TIPIN: variants seen among roughly 807,000 people sequenced by gnomAD.
TIPIN encodes TIMELESS-interacting protein.
TIPIN carries 29 observed loss-of-function variants against 35.6 expected under a neutral mutation model. That is an observed-to-expected ratio of 0.82 (90% CI 0.61 to 1.11). TIPIN has a LOEUF of 1.11. Ranked by LOEUF, TIPIN falls within the 50% of genes most tolerant of loss-of-function variation. The probability of loss-of-function intolerance (pLI) is 0.00; values close to 1 mark genes in which losing one functional copy is unlikely to be tolerated. For missense variants in TIPIN, 296 were observed against 345.4 expected (o/e 0.86, Z 1.13); for synonymous variants, 102 against 121.5 (o/e 0.84, Z 1.06).
At chr15:66,376,194 A>G (rs999240813) in intron 1 of TIPIN, among the ~76,000 whole-genome samples, 3 of 152,140 alleles carry the variant, frequency 2.0e-5, no homozygotes, top group Non-Finnish European at 2.9e-5. Context: ...GTTTCACATC[A>G]TACATTTTGA....
intron 1 of TIPIN, chr15:66,383,116 T>A (rs954163263): frequency 2.2e-6 from 1 of 452,190 alleles, no homozygotes; most frequent in Admixed American, 6.4e-5. Context: ...TTAAAAAGAA[T>A]GCTGCATTTT....
chr15:66,373,807 A>G (rs2093286210), intron 1 of TIPIN, among the ~76,000 whole-genome samples: 1 of 152,096 alleles, frequency 6.6e-6, no homozygotes, highest in Admixed American at 6.6e-5. Flanking sequence ...GGTGCAACTG[A>G]TCCTCTTACC....
intron 6 of TIPIN, among the ~76,000 whole-genome samples, chr15:66,344,016 T>C (rs754442165): frequency 2.0e-5 from 3 of 152,092 alleles, no homozygotes; most frequent in African/African-American, 4.8e-5. Flanking sequence ...GAACCACTTA[T>C]GAAACATGGG....
intron 1 of TIPIN, among the ~76,000 whole-genome samples, chr15:66,373,445 A>T (rs919735248): frequency 6.6e-6 from 1 of 151,388 alleles, no homozygotes; most frequent in Non-Finnish European, 1.5e-5. Context: ...GTGAGCTGAG[A>T]TCGCACCACT....
chr15:66,352,028 A>C, intron 3 of TIPIN, 101 bp downstream of exon 3: 12 of 952,562 alleles, frequency 1.3e-5, no homozygotes, highest in South Asian at 1.7e-5. Context: ...TAGAAATATA[A>C]GAGCTCCACA....
At chr15:66,344,393 C>T (rs1461681969) in intron 6 of TIPIN, among the ~76,000 whole-genome samples, 1 of 151,590 alleles carries the variant, frequency 6.6e-6, no homozygotes, top group Non-Finnish European at 1.5e-5. Context: ...ACCAACATCA[C>T]CAACATAGCA....
chr15:66,367,232 CTATATCTATATCTATCTA>C, intron 1 of TIPIN, among the ~76,000 whole-genome samples: 1 of 117,044 alleles, frequency 8.5e-6, no homozygotes. Flanking sequence ...ATATCTGTAT[CTATATCTATATCTATCTA>C]TATATCTATA....
intron 7 of TIPIN, among the ~76,000 whole-genome samples, chr15:66,337,785 A>T (rs1007101190): frequency 1.2e-3 from 175 of 151,432 alleles, no homozygotes; most frequent in African/African-American, 3.4e-3. Flanking sequence ...TAAAATAAAA[A>T]AAAAAATAAT....
intron 7 of TIPIN, among the ~76,000 whole-genome samples, chr15:66,340,518 G>A (rs2093078912): frequency 6.6e-6 from 1 of 151,872 alleles, no homozygotes; most frequent in South Asian, 2.1e-4. Flanking sequence ...TGTCCTAAAG[G>A]TAATAGTATA....
At chr15:66,347,167 T>A in intron 6 of TIPIN, 1 of 488,262 alleles carries the variant, frequency 2.0e-6, no homozygotes, top group Non-Finnish European at 4.1e-6. Context: ...GAACCTGTAT[T>A]TTCTTCCACA....
rs748858524 is a variant in TIPIN, at chr15:66,337,089, T to C, written c.775A>G (p.Ile259Val). The change falls in exon 8 of 8, where the codon ATT becomes GTT. Residue 259 changes from isoleucine to valine, a missense_variant. Ile to Val is a conservative substitution (Grantham distance 29). Transcript: ENST00000261881. ...GCATCATTACATGGATTGTCCAGAATGTCTTCGTTTAATCCATTTGACTCC... is the reference window on the plus strand; with the variant it reads ...GCATCATTACATGGATTGTCCAGAACGTCTTCGTTTAATCCATTTGACTCC... ...KEESNGLNED[I>V]LDNPCNDAIA... The C allele has an allele frequency of 1.2e-6, 2 of 1,614,160 alleles. No individual in the cohort carries two copies. The highest frequency in any genetic ancestry group is 1.3e-5 in the African/African-American group (1 of 75,064).
chr15:66,369,417 T>C (rs373160040), intron 1 of TIPIN, among the ~76,000 whole-genome samples: 8 of 149,456 alleles, frequency 5.4e-5, no homozygotes, highest in Admixed American at 2.1e-4. Flanking sequence ...GGTGCCATCT[T>C]GGCTCACTGC....
chr15:66,351,744 AT>A (rs2093169604), intron 3 of TIPIN, 144 bp from the exon 4 acceptor site: 1 of 650,900 alleles, frequency 1.5e-6, no homozygotes, highest in African/African-American at 1.9e-5. Context: ...GGTTCACGTC[AT>A]TCTCCTGCCT....
chr15:66,345,843 T>TTAAA (rs750808316), intron 6 of TIPIN, among the ~76,000 whole-genome samples: 6 of 152,212 alleles, frequency 3.9e-5, no homozygotes, highest in Non-Finnish European at 7.3e-5. Flanking sequence ...AAGATACAAA[T>TTAAA]TAAATATATG....
Position 66,339,151 on chromosome 15 carries a change from A to G in TIPIN, c.683-1970T>C, listed in dbSNP as rs1158531302. Among the ~76,000 whole-genome samples the G allele has an allele frequency of 1.9e-4, 10 of 53,028 alleles. 1 individual carries two copies. The highest frequency in any genetic ancestry group is 1.0e-4 in the Non-Finnish European group (3 of 29,578). 34.8% of individuals were successfully genotyped at this position (53,028 alleles called of 152,430 possible). A position where few individuals can be genotyped will look rare whatever the true frequency, so the allele number is the denominator to read the frequency against. On this transcript the variant is annotated intron_variant, in intron 7 of 7. Transcript: ENST00000261881. ...CATCTCAAAAAAAAAAAAAAAAAAA[A>G]AAAAAAGCAAAAAGAAAAAGTAAAT...
intron 6 of TIPIN, among the ~76,000 whole-genome samples, chr15:66,341,991 C>A (rs2093090626): frequency 6.6e-6 from 1 of 152,048 alleles, no homozygotes; most frequent in Admixed American, 6.6e-5. Context: ...CAAGACCAGT[C>A]TGGCCAACAT....
intron 1 of TIPIN, among the ~76,000 whole-genome samples, chr15:66,367,839 G>GTT (rs933648941): frequency 7.0e-6 from 1 of 143,554 alleles, no homozygotes; most frequent in African/African-American, 2.6e-5. Flanking sequence ...CTTTGTTTTT[G>GTT]TTTTTTTTTT....
chr15:66,360,942 G>A (rs1399256754), upstream of TIPIN, among the ~76,000 whole-genome samples: 1 of 152,060 alleles, frequency 6.6e-6, no homozygotes, highest in South Asian at 2.1e-4. Flanking sequence ...CTCCAGCCTG[G>A]GCTACAGAAG....
At position 66,347,484 on chromosome 15, in the gene TIPIN, A is replaced by G. The variant is rs1018937577; in HGVS notation, c.475+1576T>C. 1.1e-5 allele frequency: 3 copies of G among 269,826 alleles called. No homozygotes were observed. In the Admixed American group the frequency reaches 1.4e-4, roughly 12 times the overall value. 16.7% of individuals were successfully genotyped at this position (269,826 alleles called of 1,614,324 possible). On this transcript the variant is annotated intron_variant, in intron 6 of 7. Transcript: ENST00000261881. ...TATGAACACTTTTATCTTGATATATATTTTTATTAACAAGTGCTATATAGG... is the reference window on the plus strand; with the variant it reads ...TATGAACACTTTTATCTTGATATATGTTTTTATTAACAAGTGCTATATAGG...
Sources: gnomAD v4.1 joint callset for allele counts (sites outside exome capture counted in the v4.1 genomes callset) on GRCh38, gnomAD v4.1.1 for gene constraint, MANE v1.5 for transcripts, NCBI Gene and HGNC (gene_info 2026-07-23, HGNC 2026-07-21) for gene names.